The following UMAD1 variants were observed in gnomAD, a reference collection of about 807,000 sequenced individuals.
The protein encoded by UMAD1 is UBAP1-MVB12-associated (UMA)-domain containing protein 1.
A neutral mutation model predicts 6.1 loss-of-function variants in UMAD1; 8 were observed. That is an observed-to-expected ratio of 1.30 (90% CI 0.76 to 2.35). The LOEUF (loss-of-function observed/expected upper bound fraction) is 2.35. Ranked by LOEUF, UMAD1 falls within the 30% of genes most tolerant of loss-of-function variation. UMAD1 has a pLI of 0.00. For synonymous variants in UMAD1, 56 were observed against 31.4 expected (o/e 1.78, Z -2.61); for missense variants, 130 against 78.4 (o/e 1.66, Z -2.49).
chr7:7,673,632 A>G (rs1294132333), intron 2 of UMAD1, among the ~76,000 whole-genome samples, 179 bp downstream of exon 2: 1 of 152,192 alleles, frequency 6.6e-6, no homozygotes, highest in African/African-American at 2.4e-5. Flanking sequence ...GAATAGTGTC[A>G]TCAAGTGAGA....
intron 3 of UMAD1, among the ~76,000 whole-genome samples, chr7:7,836,761 G>A (rs1401259903): frequency 6.6e-6 from 1 of 151,848 alleles, no homozygotes; most frequent in Non-Finnish European, 1.5e-5. Context: ...AGCAAAGAGA[G>A]ATTTTATAGG....
At chr7:7,748,103 A>ATTTTTTTTTTTTTTTTTTTTT (rs35368211) in intron 2 of UMAD1, among the ~76,000 whole-genome samples, 1 of 140,162 alleles carries the variant, frequency 7.1e-6, no homozygotes, top group African/African-American at 2.8e-5. Flanking sequence ...CGCCCAGCTA[A>ATTTTTTTTTTTTTTTTTTTTT]TTTTTTTTTT....
chr7:7,651,952 T>C (rs961524050), intron 1 of UMAD1, among the ~76,000 whole-genome samples: 1 of 152,226 alleles, frequency 6.6e-6, no homozygotes, highest in African/African-American at 2.4e-5. Flanking sequence ...ACTGCCCTCC[T>C]GACTCCTCCC....
intron 2 of UMAD1, among the ~76,000 whole-genome samples, chr7:7,794,809 A>C (rs143722844): frequency 4.5e-4 from 69 of 152,298 alleles, no homozygotes; most frequent in African/African-American, 1.6e-3. Flanking sequence ...TTCCCTTTCT[A>C]GATCTTTCCC....
chr7:7,779,282 T>TC (rs962792415), intron 2 of UMAD1, among the ~76,000 whole-genome samples: 1 of 108,564 alleles, frequency 9.2e-6, no homozygotes, highest in African/African-American at 3.8e-5. Context: ...GGAAGAAAAA[T>TC]CTTTTTTTTA....
intron 2 of UMAD1, among the ~76,000 whole-genome samples, chr7:7,771,928 T>G (rs1782111560): frequency 6.6e-6 from 1 of 152,222 alleles, no homozygotes; most frequent in South Asian, 2.1e-4. Flanking sequence ...AAAATGTGCA[T>G]TAGATATTAG....
intron 2 of UMAD1, among the ~76,000 whole-genome samples, chr7:7,775,377 G>C (rs770910426): frequency 3.3e-5 from 5 of 152,204 alleles, no homozygotes; most frequent in Non-Finnish European, 5.9e-5. Context: ...CCACCATGCT[G>C]TTCTCATGAT....
At chr7:7,666,636 A>G (rs1044114996) in intron 1 of UMAD1, among the ~76,000 whole-genome samples, 1 of 151,858 alleles carries the variant, frequency 6.6e-6, no homozygotes, top group African/African-American at 2.4e-5. Context: ...CTGTTCATGT[A>G]TCTTGCTAGG....
intron 3 of UMAD1, among the ~76,000 whole-genome samples, chr7:7,866,544 T>G (rs1324627926): frequency 1.3e-5 from 2 of 152,218 alleles, no homozygotes; most frequent in African/African-American, 4.8e-5. Flanking sequence ...AGTAATTCAA[T>G]GAGCCAAGGC....
intron 3 of UMAD1, among the ~76,000 whole-genome samples, chr7:7,843,255 G>T (rs758679302): frequency 2.0e-4 from 30 of 152,134 alleles, no homozygotes; most frequent in Admixed American, 3.3e-4. Context: ...TCCCTATCAG[G>T]GCCCATGTTT....
intron 2 of UMAD1, among the ~76,000 whole-genome samples, chr7:7,776,655 A>G (rs149758433): frequency 9.4e-4 from 143 of 152,098 alleles, no homozygotes; most frequent in African/African-American, 3.4e-3. Context: ...AATTAAATCT[A>G]TAATAACGGT....
At chr7:7,770,405 T>A (rs997398490) in intron 2 of UMAD1, among the ~76,000 whole-genome samples, 1 of 152,160 alleles carries the variant, frequency 6.6e-6, no homozygotes, top group African/African-American at 2.4e-5. Flanking sequence ...TTCCATCTTA[T>A]AAACATTTCC....
chr7:7,854,355 CAAAAA>C (rs34829393), intron 3 of UMAD1, among the ~76,000 whole-genome samples: 2 of 49,164 alleles, frequency 4.1e-5, no homozygotes, highest in Admixed American at 2.8e-4. Context: ...AGCTCCATCT[CAAAAA>C]AAAAAAAAAA....
intron 1 of UMAD1, among the ~76,000 whole-genome samples, chr7:7,648,318 A>G (rs761586581): frequency 2.6e-5 from 4 of 152,350 alleles, no homozygotes; most frequent in Non-Finnish European, 5.9e-5. Flanking sequence ...CCAGTAAACC[A>G]TAGACTTTAT....
chr7:7,677,450 C>T (rs986165955), intron 2 of UMAD1, among the ~76,000 whole-genome samples: 4 of 151,964 alleles, frequency 2.6e-5, no homozygotes, highest in African/African-American at 7.3e-5. Context: ...TTCTCTATCT[C>T]CATGAGTTCA....
chr7:7,794,477 C>G (rs546896386), intron 2 of UMAD1, among the ~76,000 whole-genome samples: 1 of 152,276 alleles, frequency 6.6e-6, no homozygotes, highest in South Asian at 2.1e-4. Flanking sequence ...CCACAACAGA[C>G]TGAACGGACC....
chr7:7,871,975 C>CA (rs2115341785), intron 3 of UMAD1, among the ~76,000 whole-genome samples: 1 of 152,120 alleles, frequency 6.6e-6, no homozygotes, highest in African/African-American at 2.4e-5. Context: ...TTGCCACACT[C>CA]AGTCTCCCAC....
chr7:7,818,439 G>T lies in UMAD1; in HGVS notation c.156+16696G>T, dbSNP rs549117541. 3.3e-5 allele frequency among the ~76,000 whole-genome samples: 5 copies of T among 152,264 alleles called. No homozygotes were observed. The South Asian group carries it at 1.0e-3, about 32-fold the overall frequency. On this transcript the variant is annotated intron_variant, in intron 3 of 3. Coordinates refer to ENST00000682710, the MANE Select transcript of UMAD1 (RefSeq NM_001302348.2). ...AAGCTCAACATCACTGATCATCAGT[G>T]AAATGCAAATCAAAACCACAATGAG...
intron 2 of UMAD1, among the ~76,000 whole-genome samples, chr7:7,715,853 A>G (rs17482047): frequency 0.11 from 16,364 of 152,262 alleles, 935 homozygotes; most frequent in African/African-American, 0.13. Context: ...CATTTAAAAA[A>G]TAGTATCGTG....
Sources: allele counts gnomAD v4.1 joint callset (sites outside exome capture counted in the v4.1 genomes callset), GRCh38; gene constraint gnomAD v4.1.1; transcripts MANE v1.5; gene names NCBI Gene and HGNC (gene_info 2026-07-23, HGNC 2026-07-21).